Variants in NLRC5 observed in about 807,000 individuals in gnomAD.
NLRC5 encodes NLR family CARD domain containing 5.
In NLRC5, 114 loss-of-function variants were observed where a neutral mutation model predicts 206.9. That is an observed-to-expected ratio of 0.55 (90% CI 0.47 to 0.64). The LOEUF is 0.64. Ranked by LOEUF, NLRC5 falls within the 30% of genes least tolerant of loss-of-function variation. The pLI is 0.00. For missense variants in NLRC5, 2,008 were observed against 2,305.5 expected, an observed-to-expected ratio of 0.87 and a Z score of 2.64; for synonymous variants, 952 against 962.8, an observed-to-expected ratio of 0.99 and a Z score of 0.21.
intron 9 of NLRC5, 39 bp from the exon 10 acceptor site, chr16:57,029,956 G>A (rs1033969131): frequency 9.9e-6 from 16 of 1,612,406 alleles, no homozygotes; most frequent in Non-Finnish European, 1.3e-5. Context: ...CCCTGGGGTA[G>A]GGGATTCCAC....
chr16:57,022,932 C>T (rs1237966292), intron 4 of NLRC5, among the ~76,000 whole-genome samples: 2 of 152,260 alleles, frequency 1.3e-5, no homozygotes, highest in Non-Finnish European at 2.9e-5. Context: ...TGTCCAAGTC[C>T]CTGGTCCAAT....
In NLRC5 at chr16:57,033,462, A is replaced by G. The variant is rs1450408449; in HGVS notation, c.2478-142A>G. ...TGCTCTGCTGAATCACATCTTGAGCATCTGCAAGCAGTCTCCTTTGTTACC... is the reference window on the plus strand; with the variant it reads ...TGCTCTGCTGAATCACATCTTGAGCGTCTGCAAGCAGTCTCCTTTGTTACC... On this transcript the variant is annotated intron_variant, in intron 11 of 48. Coordinates refer to ENST00000688547, the MANE Select transcript of NLRC5 (RefSeq NM_001384950.1). The G allele has an allele frequency of 4.0e-5, 29 of 717,860 alleles. No homozygotes were observed. The African/African-American group carries it at 5.1e-4, about 13-fold the overall frequency. The allele number at this position is 717,860 out of a possible 1,614,324, so 44.5% of individuals were successfully genotyped here.
In NLRC5 at chr16:57,077,786, C is replaced by A; in HGVS notation, c.4987C>A (p.Arg1663Ser). ...QLAESLVLCR[R>S]LEELMLGCNA... Reference sequence around the variant, plus strand: ...GGCAGAGTCTCTCGTTCTTTGCAGGCGCCTGGAGGAGTTGATGTGAGTGTC... The same window carrying A: ...GGCAGAGTCTCTCGTTCTTTGCAGGAGCCTGGAGGAGTTGATGTGAGTGTC... Residue 1663 changes from arginine (R) to serine (S), a missense_variant, in exon 42 of 49, where the codon CGC becomes AGC. Physicochemically the swap from Arg to Ser is moderately radical, Grantham distance 110 (BLOSUM62 -1). Coordinates refer to ENST00000688547, the MANE Select transcript of NLRC5 (RefSeq NM_001384950.1). 1.2e-6 allele frequency: 2 copies of A among 1,603,420 alleles called. No individual in the cohort carries two copies. The highest frequency in any genetic ancestry group is 1.7e-6 in the Non-Finnish European group (2 of 1,173,626).
chr16:57,075,832 A>G (rs1403285588), intron 39 of NLRC5: 1 of 152,332 alleles, frequency 6.6e-6, no homozygotes, highest in Non-Finnish European at 1.5e-5. Context: ...AGAGAGTTCC[A>G]GGAGGTTATA....
At chr16:57,065,159 A>G in intron 32 of NLRC5, 53 bp from the exon 33 acceptor site, 1 of 1,287,928 alleles carries the variant, frequency 7.8e-7, no homozygotes. Flanking sequence ...ATGTGTGCTG[A>G]TTGTCTGCTG....
chr16:57,068,751 A>AT (rs770779761), intron 36 of NLRC5, among the ~76,000 whole-genome samples: 1 of 152,070 alleles, frequency 6.6e-6, no homozygotes, highest in African/African-American at 2.4e-5. Context: ...TGCTTATTGC[A>AT]TTTTTTTCCC....
Position 57,023,112 on chromosome 16 carries a change from C to T in NLRC5, c.356-673C>T, listed in dbSNP as rs139047549. The stretch of plus-strand genomic sequence containing the variant: ...GGAGCCCAGGGCCCTGCTCCAGGGG[C>T]TGTTCCTATTGGTCACTTAGCTTAG... On this transcript the variant is annotated intron_variant, in intron 4 of 48. Coordinates refer to ENST00000688547, the MANE Select transcript of NLRC5 (RefSeq NM_001384950.1). Among the ~76,000 whole-genome samples the T allele has an allele frequency of 3.8e-3, 578 of 152,334 alleles. 2 individuals carry two copies. Among genetic ancestry groups the T allele is most frequent in the African/African-American group, 0.013 (560 of 41,574 alleles).
intron 36 of NLRC5, 133 bp downstream of exon 36, chr16:57,067,961 C>A: frequency 2.9e-6 from 2 of 691,034 alleles, no homozygotes; most frequent in Non-Finnish European, 5.0e-6. Context: ...CACAGGTGGC[C>A]CTGGAGATGA....
chr16:57,002,641 T>C (rs1295470951), intron 1 of NLRC5, among the ~76,000 whole-genome samples: 1 of 102,434 alleles, frequency 9.8e-6, no homozygotes, highest in Non-Finnish European at 1.8e-5. Context: ...TTTAGTTTTT[T>C]TTTGTTTTTT....
Position 57,040,684 on chromosome 16 carries a change from C to G in NLRC5, c.2905C>G (p.Pro969Ala), listed in dbSNP as rs756475178. 1 of 1,614,170 alleles carries G rather than the reference C, an allele frequency of 6.2e-7. No homozygotes were observed. Among genetic ancestry groups the G allele is most frequent in the Admixed American group, 1.7e-5 (1 of 60,026 alleles). The change falls in exon 17 of 49, where the codon CCC becomes GCC. Residue 969 changes from proline to alanine, a missense_variant. By Grantham distance (27) the Pro-to-Ala change is conservative. Coordinates refer to ENST00000688547, the MANE Select transcript of NLRC5 (RefSeq NM_001384950.1). ...TCTTGACAGCCTCATGCTCCAGATG[C>G]CCTCTGAGCTGCCTCTGAGCTCCCG... ...AFLDSLMLQM[P>A]SELPLSSRRM...
intron 4 of NLRC5, 95 bp downstream of exon 4, chr16:57,022,410 GT>G (rs2060776859): frequency 9.4e-7 from 1 of 1,062,994 alleles, no homozygotes; most frequent in South Asian, 1.4e-5. Flanking sequence ...GTGGTGGCTG[GT>G]CACAGCCATT....
At chr16:57,037,464 G>A (rs1257383290) in intron 15 of NLRC5, among the ~76,000 whole-genome samples, 180 bp downstream of exon 15, 1 of 152,208 alleles carries the variant, frequency 6.6e-6, no homozygotes, top group Admixed American at 6.5e-5. Context: ...GGCTGCTCAT[G>A]GTTTATACCT....
At chr16:57,077,197 G>A in intron 40 of NLRC5, 99 bp from the exon 41 acceptor site, 2 of 1,076,610 alleles carry the variant, frequency 1.9e-6, no homozygotes, top group Non-Finnish European at 2.8e-6. Flanking sequence ...TGTGAGTCGA[G>A]GCCCTTCCTG....
chr16:57,065,354 C>T, intron 33 of NLRC5, 56 bp downstream of exon 33: 3 of 1,287,564 alleles, frequency 2.3e-6, no homozygotes, highest in Non-Finnish European at 3.2e-6. Flanking sequence ...AGCATTGGGA[C>T]TTTTCCTTGA....
intron 1 of NLRC5, among the ~76,000 whole-genome samples, chr16:56,998,307 C>T (rs2057870355): frequency 6.6e-6 from 1 of 151,574 alleles, no homozygotes; most frequent in Non-Finnish European, 1.5e-5. Context: ...AAGCTGATAT[C>T]TATTTTACTC....
At chr16:57,061,928 A>C in intron 32 of NLRC5, 6 of 1,511,602 alleles carry the variant, frequency 4.0e-6, no homozygotes, top group Non-Finnish European at 5.3e-6. Flanking sequence ...GGATTTAAGA[A>C]AAAAAGAAAG....
intron 30 of NLRC5, among the ~76,000 whole-genome samples, chr16:57,060,096 C>T (rs1056905528): frequency 7.9e-5 from 12 of 151,352 alleles, no homozygotes; most frequent in Admixed American, 2.0e-4. Context: ...CTCACTGCCA[C>T]GGCCAGTTCC....
intron 1 of NLRC5, among the ~76,000 whole-genome samples, chr16:56,991,583 T>C (rs558172472): frequency 5.9e-4 from 89 of 151,980 alleles, no homozygotes; most frequent in African/African-American, 2.0e-3. Flanking sequence ...GGTTTCACTA[T>C]GTTCGCCAGG....
At position 57,002,506 on chromosome 16, in the gene NLRC5, G is replaced by A. The variant is rs1597090178; in HGVS notation, c.-128+12889G>A. On this transcript the variant is annotated intron_variant, in intron 1 of 48. Coordinates refer to ENST00000688547, the MANE Select transcript of NLRC5 (RefSeq NM_001384950.1). Reference sequence around the variant, plus strand: ...AACACTTAGATTAATTCCAAATCTTGGCTATTGTAAACAGTGCTGTCATAA... The same window carrying A: ...AACACTTAGATTAATTCCAAATCTTAGCTATTGTAAACAGTGCTGTCATAA... Among the ~76,000 whole-genome samples the A allele has an allele frequency of 1.3e-5, 2 of 152,112 alleles. 1 individual carries two copies. Among genetic ancestry groups the A allele is most frequent in the Non-Finnish European group, 2.9e-5 (2 of 68,016 alleles).
Sources: gnomAD v4.1 joint callset for allele counts (sites outside exome capture counted in the v4.1 genomes callset) on GRCh38, gnomAD v4.1.1 for gene constraint, MANE v1.5 for transcripts, NCBI Gene and HGNC (gene_info 2026-07-23, HGNC 2026-07-21) for gene names.